The following EPB41 variants were observed in gnomAD, a reference collection of about 807,000 sequenced individuals.
The protein encoded by EPB41 is protein 4.1.
A neutral mutation model predicts 108.0 loss-of-function variants in EPB41; 65 were observed. The observed-to-expected ratio is 0.60, with a 90% CI of 0.49 to 0.74. EPB41 has a LOEUF of 0.74. Ranked by LOEUF, EPB41 falls within the 30% of genes least tolerant of loss-of-function variation. EPB41 has a pLI of 0.00. For missense variants in EPB41, 875 were observed against 1,037.0 expected (o/e 0.84, Z 2.15); for synonymous variants, 336 against 358.9 (o/e 0.94, Z 0.72).
Position 29,115,870 on chromosome 1 carries a change from C to G in EPB41, c.*6+67C>G, listed in dbSNP as rs1466546760. The G allele has an allele frequency of 8.0e-7, 1 of 1,245,792 alleles. No individual in the cohort carries two copies. The highest frequency in any genetic ancestry group is 1.5e-5 in the African/African-American group (1 of 67,494). The allele number at this position is 1,245,792 out of a possible 1,614,324, so 77.2% of individuals were successfully genotyped here. On this transcript the variant is annotated intron_variant, in intron 20 of 20. Coordinates refer to ENST00000343067, the MANE Select transcript of EPB41 (RefSeq NM_001376013.1). This position sits in a 1 kb window ranked among gnomAD's most constrained non-coding sequence, Gnocchi z 4.4. ...CAGCCTGAGAGGGCTCTGGATGGGACCCTCGGACACACTGGGAGCCCATCC... is the reference window on the plus strand; with the variant it reads ...CAGCCTGAGAGGGCTCTGGATGGGAGCCTCGGACACACTGGGAGCCCATCC...
chr1:28,962,800 GT>G (rs1351852175), intron 1 of EPB41, among the ~76,000 whole-genome samples: 2 of 152,196 alleles, frequency 1.3e-5, no homozygotes, highest in Non-Finnish European at 2.9e-5. Flanking sequence ...TTTTGTTTAT[GT>G]AGCTGCTGGA....
upstream of EPB41, among the ~76,000 whole-genome samples, chr1:28,914,212 A>C (rs537546521): frequency 3.9e-5 from 6 of 152,306 alleles, no homozygotes; most frequent in East Asian, 1.2e-3. Flanking sequence ...ACTTGGAAGG[A>C]GGAAAGGGCC....
intron 1 of EPB41, among the ~76,000 whole-genome samples, chr1:28,977,865 C>G (rs199816837): frequency 2.6e-5 from 3 of 115,446 alleles, no homozygotes; most frequent in Non-Finnish European, 3.6e-5. Flanking sequence ...GTTTTTTTTT[C>G]TTTTTGCTAT....
At chr1:28,946,039 T>C (rs1416708501) in intron 1 of EPB41, among the ~76,000 whole-genome samples, 1 of 152,194 alleles carries the variant, frequency 6.6e-6, no homozygotes, top group Non-Finnish European at 1.5e-5. Flanking sequence ...TTCAGATCCA[T>C]ACTGTGAATG....
chr1:28,940,111 A>G (rs536615895), intron 1 of EPB41, among the ~76,000 whole-genome samples: 10 of 152,304 alleles, frequency 6.6e-5, no homozygotes, highest in Middle Eastern at 3.4e-3. Flanking sequence ...AACACTTGAT[A>G]GGAGGAGTTG....
At chr1:29,112,784 G>A (rs1350755823) in intron 19 of EPB41, among the ~76,000 whole-genome samples, 1 of 152,188 alleles carries the variant, frequency 6.6e-6, no homozygotes, top group African/African-American at 2.4e-5. Context: ...GGGTTGTTGT[G>A]AGAATCAGGT....
chr1:28,951,781 G>A (rs2094733227), intron 1 of EPB41, among the ~76,000 whole-genome samples: 1 of 152,184 alleles, frequency 6.6e-6, no homozygotes, highest in East Asian at 1.9e-4. Context: ...TTGAGCCTGG[G>A]AGGTTGAGGC....
chr1:28,903,792 G>C (rs1280636402), intron 1 of EPB41, among the ~76,000 whole-genome samples: 1 of 152,140 alleles, frequency 6.6e-6, no homozygotes, highest in Non-Finnish European at 1.5e-5. Flanking sequence ...GCCTGGACTC[G>C]CATAGCATCT....
chr1:28,929,299 C>G (rs203282), intron 1 of EPB41, among the ~76,000 whole-genome samples: 18,535 of 150,996 alleles, frequency 0.12, 1,567 homozygotes, highest in African/African-American at 0.25. Flanking sequence ...TGTCTCAGCT[C>G]ACTGCAAGCT....
chr1:28,982,141 GGT>G (rs2095765405), intron 1 of EPB41: 1 of 313,242 alleles, frequency 3.2e-6, no homozygotes. Flanking sequence ...GAGAACATGC[GGT>G]GTTTGGATTT....
intron 16 of EPB41, chr1:29,070,376 GCT>G (rs1650754862): frequency 2.4e-6 from 3 of 1,231,980 alleles, no homozygotes; most frequent in African/African-American, 1.6e-5. Flanking sequence ...ACAGGAACGT[GCT>G]CTGTTAGTAC....
chr1:28,994,059 CT>C (rs1290269799), intron 3 of EPB41, among the ~76,000 whole-genome samples: 38 of 152,022 alleles, frequency 2.5e-4, no homozygotes, highest in Non-Finnish European at 4.4e-5. Flanking sequence ...AATGCCATTT[CT>C]TAAAATTTTC....
At chr1:28,893,864 GCCACATGAGC>G (rs2147841985) in intron 1 of EPB41, 1 of 152,392 alleles carries the variant, frequency 6.6e-6, no homozygotes, top group South Asian at 2.1e-4. Context: ...CTTAATGACT[GCCACATGAGC>G]TGATTTTAAT....
intron 2 of EPB41, among the ~76,000 whole-genome samples, chr1:28,988,339 C>A (rs2095919024): frequency 6.6e-6 from 1 of 152,116 alleles, no homozygotes; most frequent in Non-Finnish European, 1.5e-5. Flanking sequence ...TGATAAGTAG[C>A]ATCATAAAGC....
In EPB41 at chr1:29,085,346, T is replaced by A. The variant is rs532950750; in HGVS notation, c.2185-12461T>A. Among the ~76,000 whole-genome samples the A allele has an allele frequency of 5.3e-5, 8 of 152,100 alleles. No individual in the cohort carries two copies. In the East Asian group the frequency reaches 1.4e-3, roughly 26 times the overall value. On this transcript the variant is annotated intron_variant, in intron 16 of 20. Coordinates refer to ENST00000343067, the MANE Select transcript of EPB41 (RefSeq NM_001376013.1). ...TTTTAGTGGAGATGGGGTTTCACCA[T>A]GTTGGCCAGGCTGGTTTCGAACTCC...
intron 16 of EPB41, among the ~76,000 whole-genome samples, chr1:29,066,361 G>T (rs1181854144): frequency 6.6e-6 from 1 of 151,830 alleles, no homozygotes; most frequent in Non-Finnish European, 1.5e-5. Flanking sequence ...GGAGATTGCA[G>T]TGAGCCGAGA....
intron 1 of EPB41, among the ~76,000 whole-genome samples, chr1:28,892,278 T>C (rs2090201133): frequency 1.3e-5 from 2 of 152,114 alleles, no homozygotes; most frequent in African/African-American, 2.4e-5. Flanking sequence ...CCTGTAATGA[T>C]AGTAGCAAAC....
At chr1:28,982,622 C>A (rs1436595959) in intron 1 of EPB41, 14 of 1,169,010 alleles carry the variant, frequency 1.2e-5, no homozygotes, top group Non-Finnish European at 1.8e-5. Flanking sequence ...TCGGCAGCAA[C>A]CACTCGGGCC....
At chr1:29,120,041 ACT>A (rs931803373), downstream of EPB41, 5 of 152,388 alleles carry the variant, frequency 3.3e-5, no homozygotes, top group East Asian at 1.9e-4. Context: ...AACAAAAAGA[ACT>A]CTCTCTGTGA....
Sources: gnomAD v4.1 joint callset for allele counts (sites outside exome capture counted in the v4.1 genomes callset) on GRCh38, gnomAD v4.1.1 for gene constraint, Gnocchi (gnomAD v3.1) non-coding constraint, MANE v1.5 for transcripts, NCBI Gene and HGNC (gene_info 2026-07-23, HGNC 2026-07-21) for gene names.